ST6GAL2: variants seen among roughly 807,000 people sequenced by gnomAD.
ST6GAL2 encodes beta-galactoside alpha-2,6-sialyltransferase 2.
ST6GAL2 carries 24 observed loss-of-function variants against 37.5 expected under a neutral mutation model. The observed-to-expected ratio is 0.64, with a 90% CI of 0.46 to 0.90. The LOEUF is 0.90. Ranked by LOEUF, ST6GAL2 falls within the 40% of genes least tolerant of loss-of-function variation. The pLI is 0.00. For missense variants in ST6GAL2, 715 were observed against 712.7 expected (o/e 1.00, Z -0.04); for synonymous variants, 306 against 295.1 (o/e 1.04, Z -0.38).
intron 5 of ST6GAL2, among the ~76,000 whole-genome samples, chr2:106,828,403 A>G (rs567942616): frequency 6.6e-6 from 1 of 152,338 alleles, no homozygotes; most frequent in African/African-American, 2.4e-5. Context: ...GAAACCACAC[A>G]AAAGATAAAG....
At chr2:106,885,265 T>A (rs1279474480) in intron 1 of ST6GAL2, among the ~76,000 whole-genome samples, 3 of 151,950 alleles carry the variant, frequency 2.0e-5, no homozygotes, top group African/African-American at 7.3e-5. Context: ...CAACCAAATA[T>A]GGTTTGCCTC....
At chr2:106,835,170 G>C (rs1676584862) in intron 2 of ST6GAL2, among the ~76,000 whole-genome samples, 1 of 152,220 alleles carries the variant, frequency 6.6e-6, no homozygotes. Context: ...AATTTTCTAA[G>C]GGCCATCTTT....
intron 1 of ST6GAL2, among the ~76,000 whole-genome samples, chr2:106,871,246 G>A (rs1678255402): frequency 6.6e-6 from 1 of 152,186 alleles, no homozygotes; most frequent in South Asian, 2.1e-4. Flanking sequence ...AGCTGTATAG[G>A]ACACTTATCA....
At chr2:106,878,616 C>T (rs1048863924) in intron 1 of ST6GAL2, among the ~76,000 whole-genome samples, 3 of 152,120 alleles carry the variant, frequency 2.0e-5, no homozygotes, top group African/African-American at 7.2e-5. Flanking sequence ...AATAAAAAAA[C>T]AAAACCAGCG....
At position 106,803,065 on chromosome 2, in the gene ST6GAL2, C is replaced by T. The variant is rs747399637; in HGVS notation, c.*3613G>A. ...ACTGCTCAGAAGAGTCAATCAGCAG[C>T]GTAAGTATGATCTGTCCAGCAGAAT... is the stretch of plus-strand genomic sequence containing the variant. On this transcript the variant is annotated 3_prime_UTR_variant, in exon 6 of 6. Transcript: ENST00000409382. The T allele has an allele frequency of 6.6e-5, 10 of 152,144 alleles. No homozygotes were observed. Among genetic ancestry groups the T allele is most frequent in the African/African-American group, 1.4e-4 (6 of 41,428 alleles). The allele number at this position is 152,144 out of a possible 1,614,324, so 9.4% of individuals were successfully genotyped here.
intron 5 of ST6GAL2, among the ~76,000 whole-genome samples, chr2:106,829,694 T>G (rs73949772): frequency 1.3e-5 from 2 of 152,268 alleles, no homozygotes; most frequent in African/African-American, 4.8e-5. Context: ...TGTTTTTTTT[T>G]TCCTTAGTTA....
At position 106,830,004 on chromosome 2, in the gene ST6GAL2, T is replaced by C. The variant is rs1676353711; in HGVS notation, c.1318+62A>G. On this transcript the variant is annotated intron_variant, in intron 5 of 5. Transcript: ENST00000409382. ...CCTGTATAACACGACTGTATATTTG[T>C]TAAATATTAGATATCATCCTGTCTG... The C allele has an allele frequency of 2.7e-6, 4 of 1,460,566 alleles. No individual in the cohort carries two copies. In the South Asian group the frequency reaches 4.6e-5, roughly 17 times the overall value. The allele number at this position is 1,460,566 out of a possible 1,614,324, so 90.5% of individuals were successfully genotyped here.
At chr2:106,829,254 T>C (rs937375865) in intron 5 of ST6GAL2, among the ~76,000 whole-genome samples, 5 of 152,330 alleles carry the variant, frequency 3.3e-5, no homozygotes, top group Admixed American at 3.3e-4. Flanking sequence ...CTGCAGTAAC[T>C]CTGGCCAATA....
At chr2:106,845,063 G>A (rs546785580) in intron 1 of ST6GAL2, among the ~76,000 whole-genome samples, 1 of 152,322 alleles carries the variant, frequency 6.6e-6, no homozygotes, top group South Asian at 2.1e-4. Context: ...TTCAAGCTGA[G>A]CACTAAACCA....
intron 1 of ST6GAL2, among the ~76,000 whole-genome samples, chr2:106,874,486 C>G (rs539737977): frequency 6.6e-6 from 1 of 151,944 alleles, no homozygotes; most frequent in Non-Finnish European, 1.5e-5. Flanking sequence ...CAATGGACGA[C>G]GACTGGGGAA....
At chr2:106,872,094 A>G (rs748375686) in intron 1 of ST6GAL2, among the ~76,000 whole-genome samples, 2 of 152,256 alleles carry the variant, frequency 1.3e-5, no homozygotes, top group Non-Finnish European at 2.9e-5. Context: ...CAACCTTACA[A>G]CAGCTACAAG....
chr2:106,831,227 G>A (rs1676408768), intron 4 of ST6GAL2, among the ~76,000 whole-genome samples: 2 of 152,194 alleles, frequency 1.3e-5, no homozygotes, highest in Non-Finnish European at 2.9e-5. Flanking sequence ...GGAGCAAGAG[G>A]AATGTGGGGC....
chr2:106,870,207 C>T (rs1678207600), intron 1 of ST6GAL2, among the ~76,000 whole-genome samples: 1 of 152,130 alleles, frequency 6.6e-6, no homozygotes, highest in Admixed American at 6.5e-5. Context: ...TGGAATTGTG[C>T]AGAGCCCCCA....
chr2:106,876,990 A>C (rs2104639877), intron 1 of ST6GAL2, among the ~76,000 whole-genome samples: 1 of 152,280 alleles, frequency 6.6e-6, no homozygotes, highest in Admixed American at 6.5e-5. Flanking sequence ...TTTAGAGGAA[A>C]AAAAAGGTGG....
rs1675357976 is a variant in ST6GAL2, at chr2:106,804,632, G to C, written c.*2046C>G. The C allele has an allele frequency of 1.3e-5, 2 of 152,140 alleles. No individual in the cohort carries two copies. The highest frequency in any genetic ancestry group is 2.9e-5 in the Non-Finnish European group (2 of 68,060). The allele number at this position is 152,140 out of a possible 1,614,324, so 9.4% of individuals were successfully genotyped here. On this transcript the variant is annotated 3_prime_UTR_variant, in exon 6 of 6. Coordinates refer to ENST00000409382, the MANE Select transcript of ST6GAL2 (RefSeq NM_001142351.2). ...CGAGGCAGGCAGATCACAAGGTCAGGAGATCGAGACCACCCTGGCTAACAC... is the reference window on the plus strand; with the variant it reads ...CGAGGCAGGCAGATCACAAGGTCAGCAGATCGAGACCACCCTGGCTAACAC...
intron 1 of ST6GAL2, among the ~76,000 whole-genome samples, chr2:106,868,421 G>A (rs1678124594): frequency 6.6e-6 from 1 of 152,138 alleles, no homozygotes; most frequent in Admixed American, 6.5e-5. Flanking sequence ...CATGCACCGC[G>A]CATCTCAGTG....
chr2:106,859,125 C>T lies in ST6GAL2; in HGVS notation c.-57-15091G>A, dbSNP rs370687283. 1.8e-4 allele frequency among the ~76,000 whole-genome samples: 28 copies of T among 152,168 alleles called. 1 individual carries two copies. Among genetic ancestry groups the T allele is most frequent in the African/African-American group, 6.3e-4 (26 of 41,512 alleles). ...CCTGATGTCATGAGGCTGTCTATGC[C>T]CCCAGGAGTTAGAGGGAGAATAAAG... On this transcript the variant is annotated intron_variant, in intron 1 of 5. Coordinates refer to ENST00000409382, the MANE Select transcript of ST6GAL2 (RefSeq NM_001142351.2).
intron 5 of ST6GAL2, among the ~76,000 whole-genome samples, chr2:106,811,489 G>A (rs908879268): frequency 9.9e-5 from 15 of 152,002 alleles, no homozygotes; most frequent in African/African-American, 3.4e-4. Context: ...AGCTGACCAC[G>A]GTACTAATCA....
chr2:106,809,559 C>G (rs1675535296), intron 5 of ST6GAL2, among the ~76,000 whole-genome samples: 1 of 152,140 alleles, frequency 6.6e-6, no homozygotes, highest in Admixed American at 6.5e-5. Flanking sequence ...TTGGTCCTCC[C>G]CATAAAGCAG....
Sources: allele counts gnomAD v4.1 joint callset (sites outside exome capture counted in the v4.1 genomes callset), GRCh38; gene constraint gnomAD v4.1.1; transcripts MANE v1.5; gene names NCBI Gene and HGNC (gene_info 2026-07-23, HGNC 2026-07-21).